FYB1: variants seen among roughly 807,000 people sequenced by gnomAD.
FYB1 encodes the protein FYN binding protein 1.
FYB1 carries 41 observed loss-of-function variants against 94.1 expected under a neutral mutation model. That is an observed-to-expected ratio of 0.44 (90% CI 0.34 to 0.57). The LOEUF is 0.57. FYB1 is among the 20% of genes least tolerant of loss of function. FYB1 has a pLI of 0.02. For synonymous variants in FYB1, 367 were observed against 353.2 expected (o/e 1.04, Z -0.44); for missense variants, 1,050 against 976.8 (o/e 1.07, Z -1.00).
chr5:39,186,311 C>G (rs1746786854), intron 2 of FYB1, among the ~76,000 whole-genome samples: 1 of 152,164 alleles, frequency 6.6e-6, no homozygotes, highest in Non-Finnish European at 1.5e-5. Flanking sequence ...GTAATCCCAG[C>G]TACTCAGGAG....
intron 3 of FYB1, among the ~76,000 whole-genome samples, chr5:39,142,624 T>G (rs552972680): frequency 2.2e-4 from 34 of 152,312 alleles, no homozygotes; most frequent in African/African-American, 7.9e-4. Context: ...ACACTTCACT[T>G]TACCTCTGTG....
chr5:39,262,427 T>C (rs1462601028), intron 1 of FYB1, among the ~76,000 whole-genome samples: 1 of 152,186 alleles, frequency 6.6e-6, no homozygotes, highest in Admixed American at 6.5e-5. Flanking sequence ...AAATTAAAAC[T>C]AAAACAATAA....
Position 39,247,928 on chromosome 5 carries a change from T to G in FYB1, c.-28+26475A>C, listed in dbSNP as rs575845139. Among the ~76,000 whole-genome samples the G allele has an allele frequency of 5.3e-5, 8 of 152,326 alleles. No homozygotes were observed. In the South Asian group the frequency reaches 1.7e-3, roughly 32 times the overall value. On this transcript the variant is annotated intron_variant, in intron 1 of 1. Coordinates refer to the FYB1 transcript ENST00000510188. ...TGTTTTGTTTTGTTTTCAGACAATCTGCTTTCTCTTCTTTGAGGTCTTAGG... is the reference window on the plus strand; with the variant it reads ...TGTTTTGTTTTGTTTTCAGACAATCGGCTTTCTCTTCTTTGAGGTCTTAGG...
chr5:39,156,988 C>T (rs1415777266), intron 2 of FYB1, among the ~76,000 whole-genome samples: 2 of 152,006 alleles, frequency 1.3e-5, no homozygotes, highest in African/African-American at 2.4e-5. Flanking sequence ...ATTAATTAAT[C>T]ATGCAATTTT....
chr5:39,190,159 T>A (rs1336550630), intron 2 of FYB1, among the ~76,000 whole-genome samples: 1 of 152,232 alleles, frequency 6.6e-6, no homozygotes, highest in Non-Finnish European at 1.5e-5. Flanking sequence ...TCTCAGTAGT[T>A]CAGAATTCAG....
At chr5:39,240,717 T>C (rs1444521222) in intron 1 of FYB1, among the ~76,000 whole-genome samples, 1 of 152,234 alleles carries the variant, frequency 6.6e-6, no homozygotes, top group Non-Finnish European at 1.5e-5. Flanking sequence ...TACACAGTGC[T>C]GGTGGATGTG....
intron 2 of FYB1, 124 bp from the exon 3 acceptor site, chr5:39,153,728 AT>A (rs1743470239): frequency 5.2e-6 from 4 of 767,418 alleles, no homozygotes; most frequent in Non-Finnish European, 6.3e-6. Context: ...GCTATATGGA[AT>A]TTTCAATAAA....
At chr5:39,164,551 A>T (rs763347177) in intron 2 of FYB1, among the ~76,000 whole-genome samples, 31 of 152,128 alleles carry the variant, frequency 2.0e-4, no homozygotes, top group South Asian at 1.5e-3. Context: ...CAGCCTCCTG[A>T]GTAGCTGGGA....
intron 2 of FYB1, among the ~76,000 whole-genome samples, chr5:39,186,019 A>G (rs1394277480): frequency 6.6e-6 from 1 of 152,112 alleles, no homozygotes; most frequent in Non-Finnish European, 1.5e-5. Flanking sequence ...TGGATTGAAG[A>G]CTGGCTGTCA....
chr5:39,226,942 A>G (rs1750497258), intron 1 of FYB1, among the ~76,000 whole-genome samples: 1 of 152,238 alleles, frequency 6.6e-6, no homozygotes, highest in South Asian at 2.1e-4. Flanking sequence ...CTAATAAGAA[A>G]ATACACTAAT....
intron 1 of FYB1, among the ~76,000 whole-genome samples, chr5:39,211,259 T>A (rs529380192): frequency 6.6e-6 from 1 of 152,282 alleles, no homozygotes; most frequent in Admixed American, 6.5e-5. Flanking sequence ...TTTCATTTTT[T>A]CTGTTCCTCC....
At chr5:39,260,730 T>C (rs1752175805) in intron 1 of FYB1, among the ~76,000 whole-genome samples, 1 of 152,144 alleles carries the variant, frequency 6.6e-6, no homozygotes, top group African/African-American at 2.4e-5. Context: ...CAAAATGAAG[T>C]TCTCAGTCAT....
intron 2 of FYB1, among the ~76,000 whole-genome samples, chr5:39,201,544 G>C (rs751177069): frequency 6.6e-6 from 1 of 152,072 alleles, no homozygotes; most frequent in Non-Finnish European, 1.5e-5. Flanking sequence ...AAATACAATG[G>C]TTATCATTAA....
intron 1 of FYB1, among the ~76,000 whole-genome samples, chr5:39,252,223 A>T (rs1751747311): frequency 6.6e-6 from 1 of 151,966 alleles, no homozygotes; most frequent in Non-Finnish European, 1.5e-5. Context: ...CAGAGTCATA[A>T]TGTGTAATAA....
chr5:39,163,809 C>G (rs1169201259), intron 2 of FYB1, among the ~76,000 whole-genome samples: 2 of 151,610 alleles, frequency 1.3e-5, no homozygotes, highest in Admixed American at 1.3e-4. Context: ...TGTCTCTTCC[C>G]TCCTCTAAGA....
chr5:39,258,938 C>T (rs976764464), intron 1 of FYB1, among the ~76,000 whole-genome samples: 8 of 152,072 alleles, frequency 5.3e-5, no homozygotes, highest in South Asian at 2.1e-4. Flanking sequence ...AGTGTAGGGT[C>T]ACTCTGTGAA....
At chr5:39,215,037 C>G (rs1049221309) in intron 1 of FYB1, among the ~76,000 whole-genome samples, 6 of 152,052 alleles carry the variant, frequency 3.9e-5, no homozygotes, top group Non-Finnish European at 5.9e-5. Context: ...GAGGAGGGAA[C>G]AGGCAATTAA....
intron 2 of FYB1, among the ~76,000 whole-genome samples, chr5:39,177,117 T>G (rs1745805721): frequency 6.6e-6 from 1 of 152,206 alleles, no homozygotes; most frequent in African/African-American, 2.4e-5. Flanking sequence ...CTTTCATTAT[T>G]TCCAGGCATT....
At chr5:39,196,080 C>G (rs1747808058) in intron 2 of FYB1, among the ~76,000 whole-genome samples, 1 of 152,060 alleles carries the variant, frequency 6.6e-6, no homozygotes, top group African/African-American at 2.4e-5. Flanking sequence ...AAGCTCCATT[C>G]AGTTGAGTAC....
Sources: allele counts gnomAD v4.1 joint callset (sites outside exome capture counted in the v4.1 genomes callset), GRCh38; gene constraint gnomAD v4.1.1; transcripts MANE v1.5; gene names NCBI Gene and HGNC (gene_info 2026-07-23, HGNC 2026-07-21).